Variants in MMD observed in about 807,000 individuals in gnomAD.
MMD encodes the protein monocyte to macrophage differentiation factor.
A neutral mutation model predicts 33.6 loss-of-function variants in MMD; 22 were observed. The ratio of observed to expected loss-of-function variants is 0.66; its 90% CI spans 0.47 to 0.94. The LOEUF (loss-of-function observed/expected upper bound fraction) is 0.94. MMD is among the 40% of genes least tolerant of loss of function. The probability of loss-of-function intolerance (pLI) is 0.00; values close to 1 mark genes in which losing one functional copy is unlikely to be tolerated. For missense variants in MMD, 242 were observed against 309.8 expected, an observed-to-expected ratio of 0.78 and a Z score of 1.64; for synonymous variants, 97 against 103.2, an observed-to-expected ratio of 0.94 and a Z score of 0.36.
intron 2 of MMD, among the ~76,000 whole-genome samples, chr17:55,412,889 TTAC>T (rs1231094140): frequency 6.6e-6 from 1 of 152,242 alleles, no homozygotes; most frequent in Non-Finnish European, 1.5e-5. Context: ...GATCATGTCC[TTAC>T]TACTTTTCAT....
intron 1 of MMD, 112 bp from the exon 2 acceptor site, chr17:55,414,344 A>G: frequency 1.0e-6 from 1 of 971,800 alleles, no homozygotes; most frequent in Non-Finnish European, 1.6e-6. Flanking sequence ...GACTGGTGGA[A>G]ATACCCAGTT....
chr17:55,407,771 A>C lies in MMD; in HGVS notation c.319T>G (p.Phe107Val). Residue 107 changes from phenylalanine (F) to valine (V), a missense_variant, in exon 4 of 7, where the codon TTC (phenylalanine) becomes GTC (valine). By Grantham distance (50) the Phe-to-Val change is conservative. Coordinates refer to ENST00000262065, the MANE Select transcript of MMD (RefSeq NM_012329.3). ...HMCDRMVIYF[F>V]IAASYAPWLN... ...CATGGAGCATAAGAAGCAGCAATGAAGAAATAGATAACCATTCTATCACAC... is the reference window on the plus strand; with the variant it reads ...CATGGAGCATAAGAAGCAGCAATGACGAAATAGATAACCATTCTATCACAC... 6.2e-7 allele frequency: 1 copy of C among 1,601,528 alleles called. No homozygotes were observed. The highest frequency in any genetic ancestry group is 8.5e-7 in the Non-Finnish European group (1 of 1,176,730).
intron 1 of MMD, among the ~76,000 whole-genome samples, chr17:55,419,625 T>C (rs1311926762): frequency 2.6e-5 from 4 of 152,370 alleles, no homozygotes; most frequent in African/African-American, 9.6e-5. Context: ...AGCATTTTAA[T>C]GTGTGAACCA....
At chr17:55,408,675 TAA>T (rs1907648191) in intron 3 of MMD, among the ~76,000 whole-genome samples, 1 of 152,090 alleles carries the variant, frequency 6.6e-6, no homozygotes, top group African/African-American at 2.4e-5. Flanking sequence ...CCAAAGCAAA[TAA>T]TAAAGACTTG....
chr17:55,396,476 T>A (rs185001756), intron 6 of MMD, among the ~76,000 whole-genome samples: 1 of 152,332 alleles, frequency 6.6e-6, no homozygotes, highest in African/African-American at 2.4e-5. Flanking sequence ...TTTGGTTTCA[T>A]CCATCCTTTG....
rs1216713386 is a variant in MMD at position 55,415,545 on chromosome 17, G to A, written c.27-1313C>T. 3.9e-5 allele frequency among the ~76,000 whole-genome samples: 6 copies of A among 152,170 alleles called. 1 individual carries two copies. The highest frequency in any genetic ancestry group is 3.3e-4 in the Admixed American group (5 of 15,276). On this transcript the variant is annotated intron_variant, in intron 1 of 6. Coordinates refer to ENST00000262065, the MANE Select transcript of MMD (RefSeq NM_012329.3). ...CAAGTTGCCAAAAATTGGCTAAAAC[G>A]CATGACCAAGCCATTTTAGAGAGTG...
intron 1 of MMD, among the ~76,000 whole-genome samples, chr17:55,417,369 C>A (rs912668504): frequency 6.6e-6 from 1 of 152,072 alleles, no homozygotes; most frequent in Non-Finnish European, 1.5e-5. Flanking sequence ...ATCCCAGCTC[C>A]GCGTCTCCTA....
intron 6 of MMD, among the ~76,000 whole-genome samples, chr17:55,398,093 T>G (rs886602718): frequency 7.2e-6 from 1 of 137,988 alleles, no homozygotes; most frequent in African/African-American, 2.9e-5. Flanking sequence ...TTTGGAAAAG[T>G]TGTAACTATT....
chr17:55,414,068 G>A, intron 2 of MMD, 83 bp downstream of exon 2: 1 of 1,310,522 alleles, frequency 7.6e-7, no homozygotes, highest in Non-Finnish European at 1.1e-6. Context: ...AACTAATTGT[G>A]CTGAGGTTAC....
intron 4 of MMD, chr17:55,404,795 C>T (rs945777175): frequency 5.9e-5 from 58 of 981,678 alleles, no homozygotes; most frequent in Non-Finnish European, 6.4e-5. Flanking sequence ...GGAACAGTGG[C>T]TCACACCTGT....
intron 1 of MMD, among the ~76,000 whole-genome samples, chr17:55,415,823 A>G (rs1409880102): frequency 6.6e-6 from 1 of 152,198 alleles, no homozygotes; most frequent in Non-Finnish European, 1.5e-5. Context: ...TGGTTTGAAA[A>G]CCAACTGTTA....
intron 1 of MMD, among the ~76,000 whole-genome samples, chr17:55,418,584 C>T (rs985747045): frequency 6.6e-6 from 1 of 152,166 alleles, no homozygotes; most frequent in African/African-American, 2.4e-5. Flanking sequence ...TATGTTGCAA[C>T]GTATAAGTGG....
intron 1 of MMD, among the ~76,000 whole-genome samples, chr17:55,417,989 T>A (rs772205805): frequency 2.0e-5 from 3 of 152,226 alleles, no homozygotes; most frequent in African/African-American, 7.2e-5. Flanking sequence ...CTCCATCCTC[T>A]GGCTATACCA....
At position 55,415,134 on chromosome 17, in the gene MMD, C is replaced by T. The variant is rs1053236540; in HGVS notation, c.27-902G>A. On this transcript the variant is annotated intron_variant, in intron 1 of 6. Coordinates refer to ENST00000262065, the MANE Select transcript of MMD (RefSeq NM_012329.3). ...GTATGCTGAGTGAGGATGCCCTCCC[C>T]ACCAAAAACCCAACCCATACCCACA... 3.3e-5 allele frequency among the ~76,000 whole-genome samples: 5 copies of T among 152,090 alleles called. No individual in the cohort carries two copies. In the East Asian group the frequency reaches 7.7e-4, roughly 23 times the overall value.
At chr17:55,412,842 A>C (rs997475540) in intron 2 of MMD, among the ~76,000 whole-genome samples, 1 of 152,144 alleles carries the variant, frequency 6.6e-6, no homozygotes, top group African/African-American at 2.4e-5. Context: ...TCATAAAACA[A>C]AATGTATTTC....
At chr17:55,400,324 G>A (rs895987753) in intron 6 of MMD, among the ~76,000 whole-genome samples, 1 of 152,080 alleles carries the variant, frequency 6.6e-6, no homozygotes, top group Non-Finnish European at 1.5e-5. Context: ...GAGGCAGGTG[G>A]ATCACCTGAG....
At chr17:55,407,722 G>A (rs759603701) in intron 4 of MMD, 24 bp downstream of exon 4, 1 of 1,583,144 alleles carries the variant, frequency 6.3e-7, no homozygotes, top group Non-Finnish European at 8.6e-7. Context: ...CACTACCTTC[G>A]AAAATAGGAA....
chr17:55,397,050 T>C (rs920738125), intron 6 of MMD, among the ~76,000 whole-genome samples: 22 of 152,248 alleles, frequency 1.4e-4, no homozygotes, highest in African/African-American at 4.3e-4. Context: ...ATTGTTACCA[T>C]GTACTTTACT....
At chr17:55,400,751 G>T (rs1288658569) in intron 6 of MMD, among the ~76,000 whole-genome samples, 2 of 152,012 alleles carry the variant, frequency 1.3e-5, no homozygotes, top group Non-Finnish European at 2.9e-5. Context: ...ATGGAACCAT[G>T]AAGTCGTAAT....
Sources: allele counts gnomAD v4.1 joint callset (sites outside exome capture counted in the v4.1 genomes callset), GRCh38; gene constraint gnomAD v4.1.1; transcripts MANE v1.5; gene names NCBI Gene and HGNC (gene_info 2026-07-23, HGNC 2026-07-21).